Variants in FMN1 observed in about 807,000 individuals in gnomAD.
FMN1 encodes formin-1.
A neutral mutation model predicts 132.4 loss-of-function variants in FMN1; 110 were observed. That is an observed-to-expected ratio of 0.83 (90% CI 0.71 to 0.97). The LOEUF (loss-of-function observed/expected upper bound fraction) is 0.97. Among genes scored for constraint, FMN1 ranks in the 50% least tolerant of loss-of-function variants. The pLI is 0.00. For synonymous variants in FMN1, 722 were observed against 651.7 expected, an observed-to-expected ratio of 1.11 and a Z score of -1.64; for missense variants, 1,792 against 1,705.3, an observed-to-expected ratio of 1.05 and a Z score of -0.90.
intron 17 of FMN1, among the ~76,000 whole-genome samples, chr15:32,840,718 G>T (rs1259031950): frequency 6.6e-6 from 1 of 152,124 alleles, no homozygotes; most frequent in African/African-American, 2.4e-5. Flanking sequence ...GGGAGGGGAG[G>T]GTATGGAAAT....
chr15:33,121,241 T>C (rs1018774411), intron 4 of FMN1, among the ~76,000 whole-genome samples: 1 of 152,194 alleles, frequency 6.6e-6, no homozygotes, highest in Non-Finnish European at 1.5e-5. Context: ...ACAAAAAGTA[T>C]TCTGCAAATA....
rs1253218083 is a variant in FMN1 at position 33,067,823 on chromosome 15, G to A, written c.2044-2749C>T. The A allele has an allele frequency of 6.2e-7, 1 of 1,613,958 alleles. No individual in the cohort carries two copies. The highest frequency in any genetic ancestry group is 1.7e-5 in the Admixed American group (1 of 60,026). On this transcript the variant is annotated intron_variant, in intron 5 of 20. Coordinates refer to ENST00000616417, the MANE Select transcript of FMN1 (RefSeq NM_001277313.2). ...GATCGACTGAGCCACTTCAAGTCCGGCTTCTGGTTTTGCTGGTTCTGACAC... is the reference window on the plus strand; with the variant it reads ...GATCGACTGAGCCACTTCAAGTCCGACTTCTGGTTTTGCTGGTTCTGACAC...
chr15:32,945,859 C>T (rs569870219), intron 9 of FMN1, among the ~76,000 whole-genome samples: 40 of 152,286 alleles, frequency 2.6e-4, no homozygotes, highest in Admixed American at 4.6e-4. Context: ...ACACTTCTTC[C>T]TTTAAAGATA....
At chr15:32,877,711 G>A (rs2059670877) in intron 16 of FMN1, among the ~76,000 whole-genome samples, 1 of 152,146 alleles carries the variant, frequency 6.6e-6, no homozygotes, top group Non-Finnish European at 1.5e-5. Flanking sequence ...AAGGCCATCA[G>A]TTTTCTCTTC....
At position 33,053,885 on chromosome 15, in the gene FMN1, TTTG is replaced by T. The variant is rs1292466134; in HGVS notation, c.2161+11069_2161+11071del. Among the ~76,000 whole-genome samples, 24 of 134,994 alleles carry T rather than the reference TTTG, an allele frequency of 1.8e-4. No individual in the cohort carries two copies. The East Asian group carries it at 4.7e-3, about 27-fold the overall frequency. The allele number at this position is 134,994 out of a possible 152,430, so 88.6% of individuals were successfully genotyped here. A position where few individuals can be genotyped will look rare whatever the true frequency, so the allele number is the denominator to read the frequency against. ...CTATGGTTTAGCGTTCTTTCCTTTCTTTGTTTTCTTTTTTCCTTTTCTTTTCTT... is the reference window on the plus strand; with the variant it reads ...CTATGGTTTAGCGTTCTTTCCTTTCTTTTTCTTTTTTCCTTTTCTTTTCTT... On this transcript the variant is annotated intron_variant, in intron 6 of 20. Coordinates refer to ENST00000616417, the MANE Select transcript of FMN1 (RefSeq NM_001277313.2).
intron 17 of FMN1, among the ~76,000 whole-genome samples, chr15:32,813,698 T>C (rs948956316): frequency 3.3e-5 from 5 of 152,188 alleles, no homozygotes; most frequent in African/African-American, 7.2e-5. Context: ...CTTGATGAAG[T>C]TGATAAGACA....
intron 6 of FMN1, among the ~76,000 whole-genome samples, chr15:33,035,314 G>A (rs345881): frequency 0.58 from 87,529 of 151,998 alleles, 25,505 homozygotes; most frequent in Admixed American, 0.64. Flanking sequence ...TCATGATGGA[G>A]GAAAATGCTA....
At chr15:33,026,409 T>TAC (rs532485925) in intron 6 of FMN1, among the ~76,000 whole-genome samples, 100 of 21,398 alleles carry the variant, frequency 4.7e-3, no homozygotes, top group African/African-American at 0.012. Context: ...CGTCCAAATT[T>TAC]TCACACACAC....
chr15:32,775,570 C>G (rs1192784670), intron 20 of FMN1, among the ~76,000 whole-genome samples: 2 of 152,188 alleles, frequency 1.3e-5, no homozygotes, highest in African/African-American at 4.8e-5. Flanking sequence ...GAAAGTCATA[C>G]AAATGAATGT....
intron 5 of FMN1, chr15:33,066,872 G>A (rs978184095): frequency 1.9e-6 from 3 of 1,613,856 alleles, no homozygotes; most frequent in African/African-American, 1.3e-5. Flanking sequence ...GAGAGTGGGA[G>A]TGGCCTTCGG....
In FMN1 at chr15:33,033,136, TTC is replaced by T. The variant is rs563029751; in HGVS notation, c.2162-25063_2162-25062del. 2.4e-3 allele frequency among the ~76,000 whole-genome samples: 371 copies of T among 152,066 alleles called. 1 individual carries two copies. Among genetic ancestry groups the T allele is most frequent in the Non-Finnish European group, 4.3e-3 (289 of 67,970 alleles). The stretch of plus-strand genomic sequence containing the variant: ...AGCTCTGCCTCCTGGGTTCACGCCA[TTC>T]TCCTGCCTCAGCCTCCCGAGTAGCT... On this transcript the variant is annotated intron_variant, in intron 6 of 20. Transcript: ENST00000616417.
At chr15:32,946,572 G>T (rs1163304938) in intron 9 of FMN1, among the ~76,000 whole-genome samples, 1 of 152,182 alleles carries the variant, frequency 6.6e-6, no homozygotes, top group African/African-American at 2.4e-5. Flanking sequence ...GGAATTTGGG[G>T]TGGTAAAGGC....
intron 6 of FMN1, among the ~76,000 whole-genome samples, chr15:33,040,307 T>C (rs1335750969): frequency 6.6e-6 from 1 of 152,196 alleles, no homozygotes; most frequent in Non-Finnish European, 1.5e-5. Flanking sequence ...CTAATCACTC[T>C]TTCTATAACC....
chr15:32,998,465 G>A (rs17816633), intron 7 of FMN1, among the ~76,000 whole-genome samples: 2,933 of 152,210 alleles, frequency 0.019, 36 homozygotes, highest in African/African-American at 0.03. Context: ...GGAAACTTAC[G>A]CCAGCTACTC....
chr15:32,920,289 A>T (rs1433526640), intron 10 of FMN1, among the ~76,000 whole-genome samples: 2 of 152,172 alleles, frequency 1.3e-5, no homozygotes, highest in Non-Finnish European at 2.9e-5. Context: ...AATATAAGTC[A>T]TCCTATCTAG....
Position 33,154,200 on chromosome 15 carries a change from C to A in FMN1, c.715G>T (p.Asp239Tyr), listed in dbSNP as rs189215270. ...SLQRRESCPPDIPKTPDTDLG... is the reference protein window; with the variant it reads ...SLQRRESCPPYIPKTPDTDLG... ...TCTGTGTCTGGCGTCTTGGGAATAT[C>A]TGGGGGGCAGCTCTCTCTCCTCTGC... The change falls in exon 4 of 21, where the codon GAT becomes TAT. Residue 239 changes from aspartate to tyrosine, a missense_variant. Physicochemically the swap from Asp to Tyr is radical, Grantham distance 160. Coordinates refer to ENST00000616417, the MANE Select transcript of FMN1 (RefSeq NM_001277313.2). 1 of 1,536,354 alleles carries A rather than the reference C, an allele frequency of 6.5e-7. No individual in the cohort carries two copies. The highest frequency in any genetic ancestry group is 1.4e-5 in the African/African-American group (1 of 73,158).
chr15:33,019,992 G>C (rs952777572), intron 6 of FMN1, among the ~76,000 whole-genome samples: 1 of 152,216 alleles, frequency 6.6e-6, no homozygotes, highest in Non-Finnish European at 1.5e-5. Context: ...GAGGCACCGA[G>C]AGCGAGCGAG....
intron 6 of FMN1, among the ~76,000 whole-genome samples, chr15:33,013,849 G>C (rs1010756488): frequency 6.6e-6 from 1 of 152,208 alleles, no homozygotes; most frequent in Admixed American, 6.5e-5. Flanking sequence ...TGTCCTTTGA[G>C]AATAGCATCT....
At chr15:32,812,606 G>A (rs576132244) in intron 17 of FMN1, among the ~76,000 whole-genome samples, 1 of 152,274 alleles carries the variant, frequency 6.6e-6, no homozygotes, top group Admixed American at 6.5e-5. Context: ...TCAAGTGATG[G>A]GTCTTGTCAA....
Sources: allele counts gnomAD v4.1 joint callset (sites outside exome capture counted in the v4.1 genomes callset), GRCh38; gene constraint gnomAD v4.1.1; transcripts MANE v1.5; gene names NCBI Gene and HGNC (gene_info 2026-07-23, HGNC 2026-07-21).